The following SPAG7 variants were observed in gnomAD, a reference collection of about 807,000 sequenced individuals.
SPAG7 encodes the protein sperm associated antigen 7.
In SPAG7, 20 loss-of-function variants were observed where a neutral mutation model predicts 30.6. The ratio of observed to expected loss-of-function variants is 0.65; its 90% confidence interval spans 0.46 to 0.95. The LOEUF is 0.95. Ranked by LOEUF, SPAG7 falls within the 40% of genes least tolerant of loss-of-function variation. The pLI, the probability that SPAG7 is intolerant of heterozygous loss-of-function variation, is 0.00. For synonymous variants in SPAG7, 127 were observed against 104.2 expected (o/e 1.22, Z -1.33); for missense variants, 276 against 291.1 (o/e 0.95, Z 0.38).
Position 4,959,648 on chromosome 17 carries a change from G to T in SPAG7, c.575-5C>A, listed in dbSNP as rs889216755. 15 of 1,613,680 alleles carry T rather than the reference G, an allele frequency of 9.3e-6. No homozygotes were observed. The African/African-American group carries it at 1.7e-4, about 19-fold the overall frequency. On this transcript the variant is annotated splice_polypyrimidine_tract_variant and splice_region_variant and intron_variant, in intron 6 of 6. Coordinates refer to ENST00000206020, the MANE Select transcript of SPAG7 (RefSeq NM_004890.3). The stretch of plus-strand genomic sequence containing the variant: ...CCCTCTTATTGGCCACGGGCACTAG[G>T]GGCAGAGAGGAGGGTAGGGCGGGCC...
Position 4,962,928 on chromosome 17 carries a change from A to ATT in SPAG7, c.86-2077_86-2076dup, listed in dbSNP as rs761291245. Among the ~76,000 whole-genome samples, 499 of 146,108 alleles carry ATT rather than the reference A, an allele frequency of 3.4e-3. 1 individual carries two copies. Among genetic ancestry groups the ATT allele is most frequent in the African/African-American group, 0.011 (434 of 39,930 alleles). On this transcript the variant is annotated intron_variant, in intron 1 of 6. Coordinates refer to ENST00000206020, the MANE Select transcript of SPAG7 (RefSeq NM_004890.3). ...GAGCCTCTGCACCCAGCCTTGGCTA[A>ATT]TTTTTTTTTTTTTAAGTTTTCTGTT...
intron 1 of SPAG7, 92 bp from the exon 2 acceptor site, chr17:4,960,945 G>T: frequency 3.6e-6 from 4 of 1,097,508 alleles, no homozygotes; most frequent in Non-Finnish European, 5.6e-6. Flanking sequence ...TGTCCACTGG[G>T]AGGTGTCAGG....
At chr17:4,960,913 T>A (rs982090948) in intron 1 of SPAG7, 60 bp from the exon 2 acceptor site, 1 of 1,503,496 alleles carries the variant, frequency 6.7e-7, no homozygotes, top group Non-Finnish European at 9.2e-7. Context: ...GAAAGGTTTC[T>A]AAGGCTTCAA....
At chr17:4,964,939 C>T (rs921148770) in intron 1 of SPAG7, among the ~76,000 whole-genome samples, 37 of 150,288 alleles carry the variant, frequency 2.5e-4, no homozygotes, top group African/African-American at 8.1e-4. Context: ...GATGGAGTTT[C>T]GCTCTCTTTG....
chr17:4,965,826 G>GTTTGTTTATTTA (rs1555555822), intron 1 of SPAG7: 27 of 148,618 alleles, frequency 1.8e-4, no homozygotes, highest in Middle Eastern at 3.6e-3. Flanking sequence ...CCCAGCTAAT[G>GTTTGTTTATTTA]TTTATTTATT....
intron 1 of SPAG7, among the ~76,000 whole-genome samples, chr17:4,962,817 G>A (rs1448112130): frequency 1.3e-5 from 2 of 152,066 alleles, no homozygotes; most frequent in Admixed American, 1.3e-4. Flanking sequence ...CAAAGTGCTA[G>A]GATTACAAGT....
chr17:4,961,736 G>A (rs1012575066), intron 1 of SPAG7, among the ~76,000 whole-genome samples: 14 of 139,238 alleles, frequency 1.0e-4, no homozygotes, highest in African/African-American at 3.8e-4. Context: ...CTGCACTCCA[G>A]CCTGGGCGAC....
rs1971825198 is a variant in SPAG7, at chr17:4,959,633, G to A, written c.585C>T (p.Ala195=). The change falls in exon 7 of 7, where the codon GCC becomes GCT. Residue 195 remains alanine (A), a synonymous_variant. Coordinates refer to ENST00000206020, the MANE Select transcript of SPAG7 (RefSeq NM_004890.3). ...CAATGGAGCGTGTGTCCCTCTTATT[G>A]GCCACGGGCACTAGGGGCAGAGAGG... ...ANKTYGCVPV[A]NKRDTRSIEE... 6.2e-7 allele frequency: 1 copy of A among 1,614,018 alleles called. No homozygotes were observed. Among genetic ancestry groups the A allele is most frequent in the Non-Finnish European group, 8.5e-7 (1 of 1,179,972 alleles).
chr17:4,963,418 G>T (rs1028280784), intron 1 of SPAG7, among the ~76,000 whole-genome samples: 1 of 150,146 alleles, frequency 6.7e-6, no homozygotes, highest in African/African-American at 2.4e-5. Context: ...TGGCCTCAAA[G>T]AGTCTGTCAT....
chr17:4,960,791 T>A lies in SPAG7; in HGVS notation c.148A>T (p.Lys50Ter), dbSNP rs1971848921. The A allele has an allele frequency of 6.2e-7, 1 of 1,613,960 alleles. No individual in the cohort carries two copies. The change falls in exon 2 of 7, where the codon AAA (lysine) becomes TAA (stop). Residue 50 changes from lysine (K) to a stop codon, truncating the protein, a stop_gained. Coordinates refer to ENST00000206020, the MANE Select transcript of SPAG7 (RefSeq NM_004890.3). LOFTEE classifies it high-confidence loss of function. Reference sequence around the variant, plus strand: ...ATCACTCCAGTTGTTCTCACCCTTTTACGAAACTCCACTTTCTGTTGTTTC... The same window carrying A: ...ATCACTCCAGTTGTTCTCACCCTTTAACGAAACTCCACTTTCTGTTGTTTC... ...QEKQQKVEFRKRMEKEVSDFI... is the reference protein window; with the variant it reads ...QEKQQKVEFR
At chr17:4,963,619 C>A (rs1465346082) in intron 1 of SPAG7, among the ~76,000 whole-genome samples, 1 of 151,954 alleles carries the variant, frequency 6.6e-6, no homozygotes, top group Non-Finnish European at 1.5e-5. Flanking sequence ...CCACCACGCC[C>A]AGCTAATTTT....
intron 5 of SPAG7, 46 bp from the exon 6 acceptor site, chr17:4,959,962 A>G: frequency 6.2e-7 from 1 of 1,612,916 alleles, no homozygotes; most frequent in Non-Finnish European, 8.5e-7. Flanking sequence ...CCCAGCCCAA[A>G]CCCCCACCCC....
At chr17:4,962,300 G>A (rs891609677) in intron 1 of SPAG7, among the ~76,000 whole-genome samples, 4 of 152,114 alleles carry the variant, frequency 2.6e-5, no homozygotes. Flanking sequence ...TTTTAGTAGA[G>A]ATGGGGTTTC....
chr17:4,965,919 C>T (rs1234188591), intron 1 of SPAG7: 1 of 152,114 alleles, frequency 6.6e-6, no homozygotes, highest in Admixed American at 6.6e-5. Flanking sequence ...GTGGCGCAAT[C>T]TCGGCTCACT....
chr17:4,959,250 T>TGTAAA lies in SPAG7; in HGVS notation c.*279_*283dup, dbSNP rs887347031. 11 of 514,538 alleles carry TGTAAA rather than the reference T, an allele frequency of 2.1e-5. No homozygotes were observed. Among genetic ancestry groups the TGTAAA allele is most frequent in the Non-Finnish European group, 3.8e-5 (11 of 287,992 alleles). 31.9% of individuals were successfully genotyped at this position (514,538 alleles called of 1,614,324 possible). ...ATTGGGTTAAACAGTATTTATTGAA[T>TGTAAA]GTAAAGTACCCCAGCCCCATGGGGA... On this transcript the variant is annotated 3_prime_UTR_variant, in exon 7 of 7. Transcript: ENST00000206020.
intron 1 of SPAG7, among the ~76,000 whole-genome samples, chr17:4,962,610 G>C (rs1460588208): frequency 6.6e-6 from 1 of 151,862 alleles, no homozygotes; most frequent in East Asian, 1.9e-4. Context: ...TGTGAGATGA[G>C]GTCTCACTAT....
intron 1 of SPAG7, among the ~76,000 whole-genome samples, chr17:4,961,222 C>T (rs1357927213): frequency 1.3e-5 from 2 of 152,064 alleles, no homozygotes; most frequent in Admixed American, 6.5e-5. Flanking sequence ...TTTGGGAGGC[C>T]GAGGCAGACA....
At chr17:4,967,665 A>C in intron 1 of SPAG7, 55 bp downstream of exon 1, 9 of 1,346,202 alleles carry the variant, frequency 6.7e-6, no homozygotes, top group Non-Finnish European at 9.6e-6. Context: ...AAGAGGGAGA[A>C]GTATGGTCCC....
At chr17:4,964,177 C>T (rs1316138497) in intron 1 of SPAG7, among the ~76,000 whole-genome samples, 1 of 152,056 alleles carries the variant, frequency 6.6e-6, no homozygotes, top group African/African-American at 2.4e-5. Flanking sequence ...CCTGCCTCTG[C>T]GCCAGATCCC....
Sources: gnomAD v4.1 joint callset for allele counts (sites outside exome capture counted in the v4.1 genomes callset) on GRCh38, gnomAD v4.1.1 for gene constraint, MANE v1.5 for transcripts, NCBI Gene and HGNC (gene_info 2026-07-23, HGNC 2026-07-21) for gene names.